Variants in PDE10A observed in about 807,000 individuals in gnomAD.
PDE10A encodes phosphodiesterase 10A.
A neutral mutation model predicts 97.7 loss-of-function variants in PDE10A; 39 were observed. The observed-to-expected ratio is 0.40, with a 90% CI of 0.31 to 0.52. PDE10A has a LOEUF of 0.52. Ranked by LOEUF, PDE10A falls within the 20% of genes least tolerant of loss-of-function variation. PDE10A has a pLI of 0.56. For synonymous variants in PDE10A, 371 were observed against 376.8 expected (o/e 0.98, Z 0.18); for missense variants, 731 against 1,047.8 (o/e 0.70, Z 4.17).
At chr6:165,529,040 A>C (rs1016832904) in intron 2 of PDE10A, among the ~76,000 whole-genome samples, 1 of 152,166 alleles carries the variant, frequency 6.6e-6, no homozygotes, top group African/African-American at 2.4e-5. Flanking sequence ...CCTGTTCCTG[A>C]GACATTACAT....
intron 16 of PDE10A, among the ~76,000 whole-genome samples, chr6:165,391,845 T>C (rs1785742995): frequency 6.6e-6 from 1 of 152,212 alleles, no homozygotes; most frequent in South Asian, 2.1e-4. Context: ...AATGTGAATT[T>C]GAGAAAAGCA....
rs186237541 is a variant in PDE10A, at chr6:165,430,277, G to A, written c.1601+10C>T. 1.3e-6 allele frequency: 2 copies of A among 1,599,864 alleles called. No individual in the cohort carries two copies. Among genetic ancestry groups the A allele is most frequent in the African/African-American group, 1.3e-5 (1 of 74,614 alleles). ...AATAAGAGCTACTATCCCTAGAAAT[G>A]AACACTTACTTTGATACGTCGAGTA... is the stretch of plus-strand genomic sequence containing the variant. On this transcript the variant is annotated intron_variant, in intron 9 of 21. Coordinates refer to ENST00000539869, the MANE Select transcript of PDE10A (RefSeq NM_001385079.1).
At chr6:165,509,295 A>G (rs1346370686) in intron 2 of PDE10A, among the ~76,000 whole-genome samples, 8 of 152,032 alleles carry the variant, frequency 5.3e-5, no homozygotes, top group African/African-American at 1.9e-4. Flanking sequence ...ATTCTTCTGC[A>G]TATGGATATC....
chr6:165,937,713 G>A (rs747837464), intron 1 of PDE10A, among the ~76,000 whole-genome samples: 24 of 152,286 alleles, frequency 1.6e-4, no homozygotes, highest in Admixed American at 2.6e-4. Flanking sequence ...CTGAGAAAGA[G>A]CTGTTGTCAG....
intron 1 of PDE10A, among the ~76,000 whole-genome samples, chr6:165,980,115 AC>A (rs1323504283): frequency 1.3e-5 from 2 of 152,188 alleles, no homozygotes; most frequent in African/African-American, 2.4e-5. Context: ...AGGTGTAATC[AC>A]CCTACAGCTG....
intron 1 of PDE10A, among the ~76,000 whole-genome samples, chr6:165,843,202 A>G (rs1266537784): frequency 6.6e-6 from 1 of 152,154 alleles, no homozygotes; most frequent in Non-Finnish European, 1.5e-5. Flanking sequence ...GGTGAGTGCA[A>G]AGGACTGCAC....
At chr6:165,680,283 G>T (rs1291395242) in intron 1 of PDE10A, among the ~76,000 whole-genome samples, 1 of 152,142 alleles carries the variant, frequency 6.6e-6, no homozygotes, top group Non-Finnish European at 1.5e-5. Flanking sequence ...TATGTTGCAG[G>T]TTCTATAATT....
intron 2 of PDE10A, among the ~76,000 whole-genome samples, chr6:165,503,314 C>T (rs187182182): frequency 2.0e-5 from 3 of 152,310 alleles, no homozygotes; most frequent in Admixed American, 2.0e-4. Flanking sequence ...TCCCTTAAAA[C>T]CGCTTCAAAT....
intron 1 of PDE10A, among the ~76,000 whole-genome samples, chr6:165,634,524 A>T (rs544960997): frequency 6.6e-6 from 1 of 152,332 alleles, no homozygotes; most frequent in African/African-American, 2.4e-5. Flanking sequence ...AAGTTTTCAA[A>T]TATACACAAA....
intron 1 of PDE10A, among the ~76,000 whole-genome samples, chr6:165,951,900 C>T (rs191574248): frequency 1.3e-5 from 2 of 152,334 alleles, no homozygotes; most frequent in East Asian, 3.9e-4. Flanking sequence ...TAAAAACTAG[C>T]CAAAACTCTT....
intron 1 of PDE10A, among the ~76,000 whole-genome samples, chr6:165,656,450 G>GTGTGCCGAGGACTC (rs541625082): frequency 5.7e-4 from 87 of 151,396 alleles, no homozygotes; most frequent in Non-Finnish European, 1.2e-3. Flanking sequence ...ACCTCTTCTC[G>GTGTGCCGAGGACTC]TGTGCCGAGG....
At chr6:165,449,033 T>C in intron 4 of PDE10A, 56 bp from the exon 5 acceptor site, 3 of 1,231,892 alleles carry the variant, frequency 2.4e-6, no homozygotes, top group Non-Finnish European at 2.4e-6. Flanking sequence ...ATCTAACATG[T>C]ATGCATCCTC....
At chr6:165,968,960 A>G (rs982404314) in intron 1 of PDE10A, among the ~76,000 whole-genome samples, 13 of 152,184 alleles carry the variant, frequency 8.5e-5, no homozygotes, top group Non-Finnish European at 1.6e-4. Context: ...CTTAAGAATC[A>G]TCACCCTGAT....
chr6:165,603,873 A>T (rs1295655835), intron 1 of PDE10A, among the ~76,000 whole-genome samples: 1 of 152,250 alleles, frequency 6.6e-6, no homozygotes, highest in East Asian at 1.9e-4. Context: ...ATATGCAACA[A>T]CTGAATACCC....
At position 165,372,859 on chromosome 6, in the gene PDE10A, T is replaced by C. The variant is rs569496056; in HGVS notation, c.2783+6335A>G. Among the ~76,000 whole-genome samples, 6 of 151,836 alleles carry C rather than the reference T, an allele frequency of 4.0e-5. No homozygotes were observed. In the East Asian group the frequency reaches 9.7e-4, roughly 25 times the overall value. ...CAAGGCTACAGTAACCAAAACAGCA[T>C]GGTACTGGTACCAAAACAGAGAAAC... is the stretch of plus-strand genomic sequence containing the variant. On this transcript the variant is annotated intron_variant, in intron 18 of 21. Transcript: ENST00000539869.
At chr6:165,610,764 A>C (rs569262649) in intron 1 of PDE10A, among the ~76,000 whole-genome samples, 5 of 152,186 alleles carry the variant, frequency 3.3e-5, no homozygotes, top group African/African-American at 1.2e-4. Flanking sequence ...ACTTTTCTGT[A>C]TAAGTTCCAC....
chr6:165,568,302 A>AT (rs1281925862), intron 1 of PDE10A, among the ~76,000 whole-genome samples: 1 of 152,004 alleles, frequency 6.6e-6, no homozygotes, highest in Non-Finnish European at 1.5e-5. Flanking sequence ...TCCGGCCAGC[A>AT]TTTTTTTAAA....
At chr6:165,524,712 C>CACAAGCTCTTATCATGCAAGCAAA (rs1782327780) in intron 2 of PDE10A, among the ~76,000 whole-genome samples, 1 of 152,166 alleles carries the variant, frequency 6.6e-6, no homozygotes, top group African/African-American at 2.4e-5. Context: ...TGTGGAAAAA[C>CACAAGCTCTTATCATGCAAGCAAA]AGACACAAGC....
At chr6:165,551,970 T>C (rs1247012163) in intron 1 of PDE10A, among the ~76,000 whole-genome samples, 1 of 152,038 alleles carries the variant, frequency 6.6e-6, no homozygotes, top group African/African-American at 2.4e-5. Context: ...TGCCAAGCCC[T>C]TCCTTTCCTC....
Sources: allele counts gnomAD v4.1 joint callset (sites outside exome capture counted in the v4.1 genomes callset), GRCh38; gene constraint gnomAD v4.1.1; transcripts MANE v1.5; gene names NCBI Gene and HGNC (gene_info 2026-07-23, HGNC 2026-07-21).